The following PFKFB3 variants were observed in gnomAD, a reference collection of about 807,000 sequenced individuals.
PFKFB3 encodes the protein 6-phosphofructo-2-kinase/fructose-2,6-bisphosphatase 3.
In PFKFB3, 33 loss-of-function variants were observed where a neutral mutation model predicts 68.0. That is an observed-to-expected ratio of 0.49 (90% CI 0.37 to 0.65). PFKFB3 has a LOEUF of 0.65. Ranked by LOEUF, PFKFB3 falls within the 30% of genes least tolerant of loss-of-function variation. The pLI is 0.00. For missense variants in PFKFB3, 586 were observed against 712.2 expected (o/e 0.82, Z 2.02); for synonymous variants, 315 against 288.2 (o/e 1.09, Z -0.94).
At chr10:6,245,901 G>A (rs1368975416) in intron 14 of PFKFB3, 2 of 152,172 alleles carry the variant, frequency 1.3e-5, no homozygotes, top group Non-Finnish European at 2.9e-5. Context: ...TGCCCTGGGA[G>A]TTGTCAGAAG....
chr10:6,198,365 T>C (rs1463110575), upstream of PFKFB3, among the ~76,000 whole-genome samples: 2 of 152,184 alleles, frequency 1.3e-5, no homozygotes, highest in Non-Finnish European at 2.9e-5. Flanking sequence ...GGACTTAAGT[T>C]GAGCAATTTG....
intron 1 of PFKFB3, among the ~76,000 whole-genome samples, chr10:6,176,327 A>G (rs537287111): frequency 1.3e-5 from 2 of 152,070 alleles, no homozygotes; most frequent in Non-Finnish European, 2.9e-5. Context: ...GACCTGGTTG[A>G]TGGGTGGGGG....
At chr10:6,282,582 AAGC>A in the PFKFB3 span, among the ~76,000 whole-genome samples, 1 of 152,218 alleles carries the variant, frequency 6.6e-6, no homozygotes, top group Non-Finnish European at 1.5e-5. Flanking sequence ...CAGGAAAGAC[AAGC>A]ATAGACCTAA....
chr10:6,290,152 A>G, the PFKFB3 span, among the ~76,000 whole-genome samples: 2 of 152,144 alleles, frequency 1.3e-5, no homozygotes, highest in African/African-American at 4.8e-5. Context: ...ATCTGCAAAC[A>G]GGGACAATTT....
At chr10:6,145,072 C>T in intron 1 of PFKFB3, 2 of 1,258,656 alleles carry the variant, frequency 1.6e-6, no homozygotes, top group South Asian at 2.3e-5. Flanking sequence ...TGAGCGGCCG[C>T]CTGTGGGTAC....
chr10:6,206,592 A>G (rs1336375347), intron 1 of PFKFB3, among the ~76,000 whole-genome samples: 3 of 126,810 alleles, frequency 2.4e-5, no homozygotes, highest in Non-Finnish European at 4.6e-5. Flanking sequence ...TGACCCCCCC[A>G]CCTCCCTCCC....
the PFKFB3 span, among the ~76,000 whole-genome samples, chr10:6,298,372 C>CTTTTTTTTTTTTTTTTTTT: frequency 7.2e-6 from 1 of 139,666 alleles, no homozygotes; most frequent in Non-Finnish European, 1.6e-5. Flanking sequence ...GTTCAGGGCA[C>CTTTTTTTTTTTTTTTTTTT]TTTTTTTTTT....
chr10:6,159,656 C>T (rs1841914185), intron 1 of PFKFB3, among the ~76,000 whole-genome samples: 1 of 149,686 alleles, frequency 6.7e-6, no homozygotes. Flanking sequence ...TACACCATTG[C>T]ACTCCAGCCT....
At chr10:6,323,895 T>C in the PFKFB3 span, among the ~76,000 whole-genome samples, 1 of 152,228 alleles carries the variant, frequency 6.6e-6, no homozygotes, top group South Asian at 2.1e-4. Flanking sequence ...ATTCCGCCAT[T>C]CTACTTCTGG....
chr10:6,220,922 T>C lies in PFKFB3; in HGVS notation c.831+57T>C. The C allele has an allele frequency of 2.0e-6, 3 of 1,497,718 alleles. No individual in the cohort carries two copies. The highest frequency in any genetic ancestry group is 2.8e-6 in the Non-Finnish European group (3 of 1,086,166). 92.8% of individuals were successfully genotyped at this position (1,497,718 alleles called of 1,614,324 possible). A position where few individuals can be genotyped will look rare whatever the true frequency, so the allele number is the denominator to read the frequency against. ...GGCTGTAGGGCGGTTGCAGGGTCTA[T>C]AGGGTGGGTGGGGAGCTGTGTGCTG... On this transcript the variant is annotated intron_variant, in intron 8 of 14. Transcript: ENST00000379775. The surrounding 1 kb of genome is among the most constrained non-coding windows in gnomAD (Gnocchi z 4.1).
chr10:6,164,754 A>C (rs545271247), intron 1 of PFKFB3, among the ~76,000 whole-genome samples: 1 of 152,296 alleles, frequency 6.6e-6, no homozygotes, highest in African/African-American at 2.4e-5. Context: ...ATCATGAATA[A>C]GTTCAAGGAA....
the PFKFB3 span, among the ~76,000 whole-genome samples, chr10:6,302,777 CACAT>C: frequency 1.9e-3 from 253 of 133,838 alleles, 2 homozygotes; most frequent in African/African-American, 6.7e-3. Flanking sequence ...CACACACACA[CACAT>C]ATACACATAC....
intron 1 of PFKFB3, among the ~76,000 whole-genome samples, chr10:6,208,614 C>T (rs1032421065): frequency 2.0e-5 from 3 of 152,018 alleles, no homozygotes; most frequent in African/African-American, 4.8e-5. Context: ...CCTGGGTAGC[C>T]CCTACAGTTT....
intron 14 of PFKFB3, among the ~76,000 whole-genome samples, chr10:6,247,625 C>T (rs1215613803): frequency 6.6e-6 from 1 of 152,174 alleles, no homozygotes; most frequent in African/African-American, 2.4e-5. Context: ...TCCTCCAGAC[C>T]CCTCCTAAGG....
chr10:6,172,809 A>G (rs678379), intron 1 of PFKFB3, among the ~76,000 whole-genome samples: 133,548 of 151,120 alleles, frequency 0.88, 59,203 homozygotes, highest in Non-Finnish European at 0.93. Context: ...GCCACAGAAC[A>G]AGACTTCATC....
At chr10:6,275,781 A>G in the PFKFB3 span, among the ~76,000 whole-genome samples, 1 of 152,000 alleles carries the variant, frequency 6.6e-6, no homozygotes, top group Non-Finnish European at 1.5e-5. This position sits in a 1 kb window ranked among gnomAD's most constrained non-coding sequence, Gnocchi z 4.9. Context: ...CGCCCGGCTA[A>G]TTTTTGTATT....
Position 6,234,519 on chromosome 10 carries a change from G to T in PFKFB3, c.*1577G>T, listed in dbSNP as rs868398037. On this transcript the variant is annotated 3_prime_UTR_variant, in exon 15 of 15. Coordinates refer to ENST00000379775, the MANE Select transcript of PFKFB3 (RefSeq NM_004566.4). ...ATGCTGAACCATTCAAGCCCTCCCC[G>T]CCCGTTGCACCCACTTTGGCTGGCG... The T allele has an allele frequency of 6.6e-6, 1 of 152,200 alleles. No homozygotes were observed. The highest frequency in any genetic ancestry group is 1.5e-5 in the Non-Finnish European group (1 of 68,030). The allele number at this position is 152,200 out of a possible 1,614,324, so 9.4% of individuals were successfully genotyped here. A position where few individuals can be genotyped will look rare whatever the true frequency, so the allele number is the denominator to read the frequency against.
chr10:6,312,692 T>A, the PFKFB3 span, among the ~76,000 whole-genome samples: 6 of 152,180 alleles, frequency 3.9e-5, no homozygotes, highest in African/African-American at 1.4e-4. Flanking sequence ...ATTAGCAGAT[T>A]TTTATTAGTC....
chr10:6,306,240 G>C, the PFKFB3 span, among the ~76,000 whole-genome samples: 10 of 152,226 alleles, frequency 6.6e-5, no homozygotes, highest in Admixed American at 2.6e-4. Context: ...TTTGGGCAAA[G>C]GGGGTTCCAG....
Sources: gnomAD v4.1 joint callset for allele counts (sites outside exome capture counted in the v4.1 genomes callset) on GRCh38, gnomAD v4.1.1 for gene constraint, Gnocchi (gnomAD v3.1) non-coding constraint, MANE v1.5 for transcripts, NCBI Gene and HGNC (gene_info 2026-07-23, HGNC 2026-07-21) for gene names.